CHD9: variants seen among roughly 807,000 people sequenced by gnomAD.
CHD9 encodes ATP-dependent chromatin remodeler CHD9.
Under a neutral mutation model 316.1 loss-of-function variants are expected in CHD9, and 77 were observed. The observed-to-expected ratio is 0.24, with a 90% confidence interval of 0.20 to 0.29. The LOEUF is 0.29. CHD9 is among the 10% of genes least tolerant of loss of function. The pLI is 1.00. For synonymous variants in CHD9, 1,129 were observed against 1,158.3 expected, an observed-to-expected ratio of 0.97 and a Z score of 0.51; for missense variants, 2,763 against 3,438.1, an observed-to-expected ratio of 0.80 and a Z score of 4.91.
chr16:53,289,937 G>A (rs1341204124), intron 27 of CHD9, among the ~76,000 whole-genome samples: 1 of 152,182 alleles, frequency 6.6e-6, no homozygotes, highest in Non-Finnish European at 1.5e-5. Flanking sequence ...CCACTCAAGA[G>A]GGAGGTTACT....
In CHD9 at chr16:53,289,797, A is replaced by G. The variant is rs150381896; in HGVS notation, c.5247+1783A>G. On this transcript the variant is annotated intron_variant, in intron 27 of 38. Coordinates refer to ENST00000447540, the MANE Select transcript of CHD9 (RefSeq NM_001308319.2). The stretch of plus-strand genomic sequence containing the variant: ...CAGACTTTGGTAGGAGGATATGGCC[A>G]TGTCTCACTGGATGGCAGAAAAGTT... Among the ~76,000 whole-genome samples, 24 of 152,284 alleles carry G rather than the reference A, an allele frequency of 1.6e-4. No homozygotes were observed. In the East Asian group the frequency reaches 4.6e-3, roughly 29 times the overall value.
In CHD9 at chr16:53,274,136, C is replaced by G. The variant is rs1567602385; in HGVS notation, c.4878-77C>G. ...TTAAAATCTGTACACAAATTCCTTC[C>G]TAATTTTAACCCCATGTCCGAATAT... On this transcript the variant is annotated intron_variant, in intron 23 of 38. Coordinates refer to ENST00000447540, the MANE Select transcript of CHD9 (RefSeq NM_001308319.2). The G allele has an allele frequency of 1.7e-5, 15 of 872,808 alleles. No individual in the cohort carries two copies. The East Asian group carries it at 3.7e-4, about 21-fold the overall frequency. 54.1% of individuals were successfully genotyped at this position (872,808 alleles called of 1,614,324 possible). A position where few individuals can be genotyped will look rare whatever the true frequency, so the allele number is the denominator to read the frequency against.
chr16:53,187,758 G>T (rs914508891), intron 2 of CHD9, among the ~76,000 whole-genome samples: 1 of 152,126 alleles, frequency 6.6e-6, no homozygotes, highest in Non-Finnish European at 1.5e-5. Context: ...AGAAGTAACT[G>T]GTGACCTTGG....
At chr16:53,198,622 G>A (rs187464719) in intron 2 of CHD9, among the ~76,000 whole-genome samples, 32 of 152,214 alleles carry the variant, frequency 2.1e-4, no homozygotes, top group African/African-American at 7.0e-4. Context: ...CACCACACCC[G>A]GCCTCAATAT....
rs541609005 is a variant in CHD9, at chr16:53,111,717, A to G, written c.-164-44209A>G. ...GTGAACATATATGTTCTTATTTCTG[A>G]TATTATATTGTTCATAGGAATGTAG... On this transcript the variant is annotated intron_variant, in intron 1 of 38. Coordinates refer to ENST00000447540, the MANE Select transcript of CHD9 (RefSeq NM_001308319.2). Among the ~76,000 whole-genome samples the G allele has an allele frequency of 1.6e-4, 25 of 152,158 alleles. 1 individual carries two copies. In the South Asian group the frequency reaches 5.2e-3, roughly 32 times the overall value.
chr16:53,229,331 T>C (rs993274751), intron 8 of CHD9, among the ~76,000 whole-genome samples: 3 of 152,208 alleles, frequency 2.0e-5, no homozygotes, highest in Non-Finnish European at 4.4e-5. Flanking sequence ...TAAACTAGCA[T>C]ATATTTCAAC....
intron 12 of CHD9, among the ~76,000 whole-genome samples, chr16:53,242,424 A>G (rs1433137484): frequency 6.6e-6 from 1 of 152,220 alleles, no homozygotes; most frequent in Non-Finnish European, 1.5e-5. Context: ...TCTGCTGAAT[A>G]AAGTATTTGG....
intron 1 of CHD9, among the ~76,000 whole-genome samples, chr16:53,077,676 C>T (rs970110885): frequency 7.2e-5 from 11 of 152,148 alleles, no homozygotes; most frequent in Non-Finnish European, 1.5e-4. Context: ...TGTACGTTTA[C>T]AATATGTAAT....
At chr16:53,114,289 G>A (rs1414463009) in intron 1 of CHD9, among the ~76,000 whole-genome samples, 1 of 152,008 alleles carries the variant, frequency 6.6e-6, no homozygotes, top group Admixed American at 6.6e-5. Flanking sequence ...ATGGAGTCTC[G>A]CTCTGTTGCC....
At position 53,304,334 on chromosome 16, in the gene CHD9, G is replaced by A; in HGVS notation, c.6328G>A (p.Glu2110Lys). 1 of 1,612,794 alleles carries A rather than the reference G, an allele frequency of 6.2e-7. No individual in the cohort carries two copies. The highest frequency in any genetic ancestry group is 1.1e-5 in the South Asian group (1 of 91,048). Residue 2110 changes from glutamate to lysine, a missense_variant, in exon 31 of 39, where the codon GAA becomes AAA. By Grantham distance (56) the Glu-to-Lys change is moderately conservative (BLOSUM62 1). Coordinates refer to ENST00000447540, the MANE Select transcript of CHD9 (RefSeq NM_001308319.2). ...CAGACGCATGGTTGCAGCCAGAACA[G>A]AACCCCTAACTCCAAACCCAGCTTC... Reference protein sequence around the residue: ...TDRRMVAARTEPLTPNPASKK... With the variant: ...TDRRMVAARTKPLTPNPASKK...
chr16:53,185,011 T>A (rs2043861197), intron 2 of CHD9, among the ~76,000 whole-genome samples: 1 of 152,210 alleles, frequency 6.6e-6, no homozygotes, highest in South Asian at 2.1e-4. Context: ...CTAAACCTCT[T>A]TCCTTTATAC....
chr16:53,065,028 C>T (rs1371464412), intron 1 of CHD9, among the ~76,000 whole-genome samples: 2 of 152,080 alleles, frequency 1.3e-5, no homozygotes. Flanking sequence ...AAAGAAATCA[C>T]AAGGGGAGAA....
intron 37 of CHD9, chr16:53,319,910 G>C: frequency 1.0e-6 from 1 of 979,546 alleles, no homozygotes; most frequent in Non-Finnish European, 1.3e-6. Context: ...CTTAATGAAG[G>C]AGATAATAAA....
intron 1 of CHD9, among the ~76,000 whole-genome samples, chr16:53,100,334 A>G (rs1400230375): frequency 6.6e-6 from 1 of 152,088 alleles, no homozygotes; most frequent in Non-Finnish European, 1.5e-5. Flanking sequence ...TAGGGCTGCT[A>G]TGGGAAAGGA....
In CHD9 at chr16:53,304,649, C is replaced by CT. The variant is rs987136365; in HGVS notation, c.6619+30dup. The CT allele has an allele frequency of 4.3e-6, 6 of 1,395,206 alleles. No homozygotes were observed. In the African/African-American group the frequency reaches 5.9e-5, roughly 14 times the overall value. The allele number at this position is 1,395,206 out of a possible 1,614,324, so 86.4% of individuals were successfully genotyped here. A position where few individuals can be genotyped will look rare whatever the true frequency, so the allele number is the denominator to read the frequency against. On this transcript the variant is annotated intron_variant, in intron 31 of 38. Transcript: ENST00000447540. ...AGGTACTATGCATAAAATAATTCTA[C>CT]TTTTTTAACATAACTTTTCTTTTCT...
chr16:53,118,365 C>T (rs916274154), intron 1 of CHD9, among the ~76,000 whole-genome samples: 2 of 152,018 alleles, frequency 1.3e-5, no homozygotes, highest in East Asian at 1.9e-4. Context: ...TGCAGTGAGC[C>T]GAGATCACAC....
intron 11 of CHD9, among the ~76,000 whole-genome samples, chr16:53,237,191 T>C (rs1292706644): frequency 6.6e-6 from 1 of 152,160 alleles, no homozygotes; most frequent in African/African-American, 2.4e-5. Flanking sequence ...CAAACTGAAA[T>C]CTGGCTTCAC....
intron 10 of CHD9, 57 bp from the exon 11 acceptor site, chr16:53,235,128 C>T: frequency 1.4e-6 from 2 of 1,452,274 alleles, no homozygotes; most frequent in Admixed American, 2.3e-5. Flanking sequence ...TGCTTTTTGC[C>T]TTCAGTATGA....
intron 3 of CHD9, among the ~76,000 whole-genome samples, chr16:53,220,652 G>A (rs1418746514): frequency 1.3e-5 from 2 of 152,226 alleles, no homozygotes; most frequent in Admixed American, 1.3e-4. Context: ...TTTGCTGCCA[G>A]TGATGAACAA....
Sources: gnomAD v4.1 joint callset for allele counts (sites outside exome capture counted in the v4.1 genomes callset) on GRCh38, gnomAD v4.1.1 for gene constraint, MANE v1.5 for transcripts, NCBI Gene and HGNC (gene_info 2026-07-23, HGNC 2026-07-21) for gene names.